Variants in HAUS1 observed in about 807,000 individuals in gnomAD.
HAUS1 encodes the protein HAUS augmin-like complex subunit 1.
In HAUS1, 25 loss-of-function variants were observed where a neutral mutation model predicts 38.6. The observed-to-expected ratio is 0.65, with a 90% confidence interval of 0.47 to 0.91. The LOEUF (loss-of-function observed/expected upper bound fraction) is 0.91, where lower values mean the gene tolerates loss of function less well. Among genes scored for constraint, HAUS1 ranks in the 40% least tolerant of loss-of-function variants. HAUS1 has a pLI of 0.00. For synonymous variants in HAUS1, 109 were observed against 112.9 expected (o/e 0.97, Z 0.22); for missense variants, 325 against 328.4 (o/e 0.99, Z 0.08).
intron 2 of HAUS1, among the ~76,000 whole-genome samples, chr18:46,117,668 G>A (rs951757439): frequency 1.3e-5 from 2 of 151,970 alleles, no homozygotes; most frequent in African/African-American, 4.8e-5. Context: ...AAATAAACCG[G>A]GGGCAGTGGC....
rs191949655 is a variant in HAUS1, at chr18:46,120,273, C to T, written c.476+213C>T. Among the ~76,000 whole-genome samples, 357 of 151,052 alleles carry T rather than the reference C, an allele frequency of 2.4e-3. 2 individuals are homozygous for T. Among genetic ancestry groups the T allele is most frequent in the African/African-American group, 7.9e-3 (325 of 41,172 alleles). Reference sequence around the variant, plus strand: ...TTTTTGAAACGGAGTCTCACTCTGTCACCCAGGCTGGAGTACAGTGGCACG... The same window carrying T: ...TTTTTGAAACGGAGTCTCACTCTGTTACCCAGGCTGGAGTACAGTGGCACG... On this transcript the variant is annotated intron_variant, in intron 4 of 8. Coordinates refer to ENST00000282058, the MANE Select transcript of HAUS1 (RefSeq NM_138443.4).
chr18:46,128,143 T>C lies in HAUS1; in HGVS notation c.*18T>C, dbSNP rs372963487. 41 of 1,538,750 alleles carry C rather than the reference T, an allele frequency of 2.7e-5. No individual in the cohort carries two copies. Among genetic ancestry groups the C allele is most frequent in the South Asian group, 8.4e-5 (7 of 83,430 alleles). On this transcript the variant is annotated 3_prime_UTR_variant, in exon 9 of 9. Coordinates refer to ENST00000282058, the MANE Select transcript of HAUS1 (RefSeq NM_138443.4). ...AACTGTGACAAAAGCCAAATAAACATCCTTTTCCCTAACAAAGTAAATTGA... is the reference window on the plus strand; with the variant it reads ...AACTGTGACAAAAGCCAAATAAACACCCTTTTCCCTAACAAAGTAAATTGA...
intron 2 of HAUS1, among the ~76,000 whole-genome samples, chr18:46,116,901 C>A (rs1242146546): frequency 6.6e-6 from 1 of 152,040 alleles, no homozygotes; most frequent in Non-Finnish European, 1.5e-5. Flanking sequence ...ACCTGTGAGG[C>A]CAAGGTGGGA....
chr18:46,112,128 G>A (rs545035804), intron 2 of HAUS1, among the ~76,000 whole-genome samples: 111 of 149,846 alleles, frequency 7.4e-4, no homozygotes, highest in African/African-American at 2.4e-3. Flanking sequence ...CTCGTGATCC[G>A]CCAGCTTTGG....
intron 2 of HAUS1, among the ~76,000 whole-genome samples, chr18:46,112,981 T>TGGA: frequency 8.3e-5 from 6 of 71,926 alleles, no homozygotes; most frequent in African/African-American, 4.7e-4. Flanking sequence ...CCATATTATA[T>TGGA]ATATAATATA....
At position 46,104,530 on chromosome 18, in the gene HAUS1, C is replaced by T. The variant is rs113706610; in HGVS notation, c.30+89C>T. 219 of 1,148,272 alleles carry T rather than the reference C, an allele frequency of 1.9e-4. 2 individuals carry two copies. In the African/African-American group the frequency reaches 2.9e-3, roughly 15 times the overall value. The allele number at this position is 1,148,272 out of a possible 1,614,324, so 71.1% of individuals were successfully genotyped here. On this transcript the variant is annotated intron_variant, in intron 1 of 8. Coordinates refer to ENST00000282058, the MANE Select transcript of HAUS1 (RefSeq NM_138443.4). ...GACAGCGGGTCTCCTGTGCGCGCCA[C>T]GTCTACTTTTCTCTCCCCTATTCCA...
chr18:46,108,898 C>G (rs138228250), intron 2 of HAUS1, among the ~76,000 whole-genome samples: 1 of 151,832 alleles, frequency 6.6e-6, no homozygotes, highest in Non-Finnish European at 1.5e-5. Flanking sequence ...GGTGAAATCC[C>G]GTCTCTACTA....
At position 46,128,050 on chromosome 18, in the gene HAUS1, C is replaced by A. The variant is rs185499528; in HGVS notation, c.787-25C>A. ...TAGAGCATCTGTTTTATGTCCTTAT[C>A]TATGGTATGTCTTTCTTCCTGTAGG... On this transcript the variant is annotated intron_variant, in intron 8 of 8. Transcript: ENST00000282058. The A allele has an allele frequency of 1.1e-3, 1,619 of 1,444,518 alleles. 3 individuals are homozygous for A. The highest frequency in any genetic ancestry group is 1.4e-3 in the Non-Finnish European group (1,473 of 1,059,350). 89.5% of individuals were successfully genotyped at this position (1,444,518 alleles called of 1,614,324 possible).
chr18:46,125,738 T>G lies in HAUS1; in HGVS notation c.739-6T>G. 6.3e-7 allele frequency: 1 copy of G among 1,587,236 alleles called. No individual in the cohort carries two copies. Among genetic ancestry groups the G allele is most frequent in the Non-Finnish European group, 8.6e-7 (1 of 1,158,696 alleles). ...TAACCTTTCCTTGTTTTATTTTTTT[T>G]TAAAGAATCCGTCTCTTGCTCAAGT... On this transcript the variant is annotated splice_region_variant and splice_polypyrimidine_tract_variant and intron_variant, in intron 7 of 8. Transcript: ENST00000282058.
chr18:46,114,278 G>A (rs1010302170), intron 2 of HAUS1, among the ~76,000 whole-genome samples: 4 of 152,178 alleles, frequency 2.6e-5, no homozygotes, highest in Non-Finnish European at 5.9e-5. Context: ...TCTAAGCTCT[G>A]TTGCAAATGT....
chr18:46,126,342 A>C (rs899311688), intron 8 of HAUS1, among the ~76,000 whole-genome samples: 1 of 152,200 alleles, frequency 6.6e-6, no homozygotes, highest in Non-Finnish European at 1.5e-5. Flanking sequence ...CCCTAGTGGA[A>C]AAAGGGGAAT....
intron 3 of HAUS1, chr18:46,118,567 T>C: frequency 2.4e-6 from 1 of 413,390 alleles, no homozygotes; most frequent in Non-Finnish European, 4.4e-6. Flanking sequence ...AAGGGGTTAG[T>C]ATCACATTGT....
chr18:46,120,291 G>C (rs1911901243), intron 4 of HAUS1, among the ~76,000 whole-genome samples: 1 of 150,870 alleles, frequency 6.6e-6, no homozygotes, highest in African/African-American at 2.4e-5. Flanking sequence ...CTGGAGTACA[G>C]TGGCACGATC....
intron 2 of HAUS1, among the ~76,000 whole-genome samples, chr18:46,110,892 T>C (rs1388771418): frequency 2.0e-5 from 3 of 149,204 alleles, no homozygotes; most frequent in African/African-American, 4.9e-5. Flanking sequence ...ATTTTCTTTT[T>C]TTTTTTTTTT....
chr18:46,125,790 T>A lies in HAUS1; in HGVS notation c.785T>A (p.Leu262Gln). The A allele has an allele frequency of 6.3e-7, 1 of 1,582,518 alleles. No individual in the cohort carries two copies. The highest frequency in any genetic ancestry group is 8.7e-7 in the Non-Finnish European group (1 of 1,155,830). Residue 262 changes from leucine (L) to glutamine (Q), a missense_variant and splice_region_variant, in exon 8 of 9, where the codon CTA becomes CAA. Physicochemically the swap from Leu to Gln is moderately radical, Grantham distance 113. Transcript: ENST00000282058. ...QVKIEEAKRE[L>Q]DSIEAELTRR... ...AAAATTGAAGAAGCAAAGCGAGAACTAGTAAGTAGTTCCTGTAATTTTTTC... is the reference window on the plus strand; with the variant it reads ...AAAATTGAAGAAGCAAAGCGAGAACAAGTAAGTAGTTCCTGTAATTTTTTC...
At chr18:46,119,175 C>T (rs77822642) in intron 3 of HAUS1, among the ~76,000 whole-genome samples, 47 of 151,744 alleles carry the variant, frequency 3.1e-4, no homozygotes, top group Non-Finnish European at 4.9e-4. Flanking sequence ...GGTAGAACTA[C>T]GAATATTAAT....
chr18:46,109,360 ACAATT>A (rs1442331931), intron 2 of HAUS1, among the ~76,000 whole-genome samples: 2 of 152,172 alleles, frequency 1.3e-5, no homozygotes, highest in Non-Finnish European at 2.9e-5. Flanking sequence ...CGTGGGGATT[ACAATT>A]CAACATGAGA....
chr18:46,110,893 T>C (rs943396401), intron 2 of HAUS1, among the ~76,000 whole-genome samples: 1 of 149,490 alleles, frequency 6.7e-6, no homozygotes, highest in African/African-American at 2.5e-5. Flanking sequence ...TTTTCTTTTT[T>C]TTTTTTTTTT....
At chr18:46,105,475 T>C in intron 2 of HAUS1, 107 bp downstream of exon 2, 2 of 936,012 alleles carry the variant, frequency 2.1e-6, no homozygotes, top group Non-Finnish European at 1.6e-6. Context: ...TTTTGCTCCT[T>C]TATTTTTCCC....
Sources: gnomAD v4.1 joint callset for allele counts (sites outside exome capture counted in the v4.1 genomes callset) on GRCh38, gnomAD v4.1.1 for gene constraint, MANE v1.5 for transcripts, NCBI Gene and HGNC (gene_info 2026-07-23, HGNC 2026-07-21) for gene names.